Variants in MRAP2 observed in about 807,000 individuals in gnomAD.
MRAP2 encodes the protein melanocortin-2 receptor accessory protein 2.
MRAP2 carries 20 observed loss-of-function variants against 17.4 expected under a neutral mutation model. That is an observed-to-expected ratio of 1.15 (90% confidence interval 0.81 to 1.67). The LOEUF is 1.67. Ranked by LOEUF, MRAP2 falls within the 40% of genes most tolerant of loss-of-function variation. The pLI is 0.00. For synonymous variants in MRAP2, 96 were observed against 88.4 expected (o/e 1.09, Z -0.48); for missense variants, 238 against 240.0 (o/e 0.99, Z 0.05).
At chr6:84,065,389 A>G (rs1441180806) in intron 3 of MRAP2, among the ~76,000 whole-genome samples, 3 of 152,218 alleles carry the variant, frequency 2.0e-5, no homozygotes, top group East Asian at 1.9e-4. Flanking sequence ...AACAACCACT[A>G]AAAAGACACA....
intron 2 of MRAP2, 192 bp from the exon 3 acceptor site, chr6:84,062,701 A>C (rs1365944132): frequency 1.0e-6 from 1 of 985,380 alleles, no homozygotes; most frequent in Non-Finnish European, 1.2e-6. Context: ...TGAGACAGAA[A>C]CCTGGAGGCG....
At chr6:84,103,738 T>C in the MRAP2 span, among the ~76,000 whole-genome samples, 1 of 151,932 alleles carries the variant, frequency 6.6e-6, no homozygotes, top group Non-Finnish European at 1.5e-5. Flanking sequence ...ATCTGTCCTC[T>C]GTATCTGCAT....
chr6:84,135,598 C>G, the MRAP2 span, among the ~76,000 whole-genome samples: 4 of 151,768 alleles, frequency 2.6e-5, no homozygotes, highest in African/African-American at 9.8e-5. Context: ...CGTGGTGGCT[C>G]ACGCCTGTAA....
At chr6:84,111,484 T>C in the MRAP2 span, among the ~76,000 whole-genome samples, 3 of 152,362 alleles carry the variant, frequency 2.0e-5, no homozygotes, top group East Asian at 3.9e-4. Flanking sequence ...AAGTTGCTTA[T>C]CAGCTTAAGG....
At chr6:84,103,715 CTCTATT>C in the MRAP2 span, among the ~76,000 whole-genome samples, 1 of 152,192 alleles carries the variant, frequency 6.6e-6, no homozygotes, top group South Asian at 2.1e-4. Context: ...CCTTGTGTAG[CTCTATT>C]TCTATTATCT....
the MRAP2 span, among the ~76,000 whole-genome samples, chr6:84,135,948 G>A: frequency 6.6e-6 from 1 of 152,142 alleles, no homozygotes; most frequent in Non-Finnish European, 1.5e-5. Flanking sequence ...GTAACTATTG[G>A]CATAAGTCTT....
the MRAP2 span, chr6:84,124,664 C>A: frequency 4.2e-6 from 1 of 238,292 alleles, no homozygotes; most frequent in Non-Finnish European, 8.0e-6. Flanking sequence ...CACTAGAAGC[C>A]CAATTCCCAC....
At chr6:84,127,777 A>G in the MRAP2 span, among the ~76,000 whole-genome samples, 949 of 152,182 alleles carry the variant, frequency 6.2e-3, 4 homozygotes, top group African/African-American at 0.022. Flanking sequence ...TCTGAATGAA[A>G]CAGTCAAGTG....
At chr6:84,143,659 T>C in the MRAP2 span, among the ~76,000 whole-genome samples, 1 of 151,952 alleles carries the variant, frequency 6.6e-6, no homozygotes, top group African/African-American at 2.4e-5. Context: ...TGCACGAATA[T>C]CTTGTGTGTC....
the MRAP2 span, among the ~76,000 whole-genome samples, chr6:84,134,919 TACACACACACAC>T: frequency 1.3e-4 from 19 of 148,370 alleles, no homozygotes; most frequent in South Asian, 1.5e-3. Flanking sequence ...AGATCATATA[TACACACACACAC>T]ACACACACAC....
chr6:84,059,376 A>G (rs992024386), intron 2 of MRAP2, among the ~76,000 whole-genome samples: 10 of 152,230 alleles, frequency 6.6e-5, no homozygotes, highest in Non-Finnish European at 1.5e-4. Context: ...CCAGGAATTC[A>G]TATCACAGAA....
In MRAP2 at chr6:84,089,357, A is replaced by C; in HGVS notation, c.494A>C (p.Asp165Ala). Residue 165 changes from aspartate (D) to alanine (A), a missense_variant, in exon 4 of 4, where the codon GAC becomes GCC. Transcript: ENST00000257776. The stretch of plus-strand genomic sequence containing the variant: ...GAGCTGAACAGGCTCATGAAGTTTG[A>C]CATCCCCAACTTTGTGAACACAGAC... The part of the protein sequence containing the change: ...EEELNRLMKF[D>A]IPNFVNTDQN... The C allele has an allele frequency of 6.2e-7, 1 of 1,614,180 alleles. No individual in the cohort carries two copies. Among genetic ancestry groups the C allele is most frequent in the Non-Finnish European group, 8.5e-7 (1 of 1,180,014 alleles).
At chr6:84,146,046 C>T in the MRAP2 span, among the ~76,000 whole-genome samples, 3 of 152,100 alleles carry the variant, frequency 2.0e-5, no homozygotes, top group Admixed American at 6.6e-5. Context: ...GACCTATTCT[C>T]AGCACTAAGA....
intron 1 of MRAP2, among the ~76,000 whole-genome samples, chr6:84,042,567 T>C (rs987673035): frequency 6.6e-6 from 1 of 152,336 alleles, no homozygotes; most frequent in East Asian, 1.9e-4. Flanking sequence ...TGGGGACTAT[T>C]TGGGACCCTT....
chr6:84,048,659 C>A (rs1033793507), intron 1 of MRAP2, among the ~76,000 whole-genome samples: 1 of 152,214 alleles, frequency 6.6e-6, no homozygotes, highest in Non-Finnish European at 1.5e-5. Flanking sequence ...GGCAGTCTAA[C>A]ACGTTGACAC....
At chr6:84,108,625 AG>A in the MRAP2 span, among the ~76,000 whole-genome samples, 1 of 152,028 alleles carries the variant, frequency 6.6e-6, no homozygotes, top group South Asian at 2.1e-4. Flanking sequence ...CCCATTCCAT[AG>A]GTTGTCTGTT....
intron 1 of MRAP2, among the ~76,000 whole-genome samples, chr6:84,051,916 G>A (rs575546671): frequency 2.2e-4 from 33 of 152,282 alleles, no homozygotes; most frequent in Non-Finnish European, 2.9e-4. Context: ...GTGATCTCCC[G>A]TCTTCCCCAA....
downstream of MRAP2, among the ~76,000 whole-genome samples, chr6:84,092,557 T>C (rs1490027023): frequency 6.6e-6 from 1 of 152,142 alleles, no homozygotes; most frequent in Non-Finnish European, 1.5e-5. Context: ...TGTGGACCTG[T>C]AAAACTAGAA....
At chr6:84,103,433 C>CTT in the MRAP2 span, among the ~76,000 whole-genome samples, 3 of 151,956 alleles carry the variant, frequency 2.0e-5, no homozygotes, top group African/African-American at 4.8e-5. Flanking sequence ...AGCACCTGCC[C>CTT]TTTTTTTGCT....
Sources: gnomAD v4.1 joint callset for allele counts (sites outside exome capture counted in the v4.1 genomes callset) on GRCh38, gnomAD v4.1.1 for gene constraint, MANE v1.5 for transcripts, NCBI Gene and HGNC (gene_info 2026-07-23, HGNC 2026-07-21) for gene names.